Variants in IGSF22 observed in about 807,000 individuals in gnomAD.
The protein encoded by IGSF22 is immunoglobulin superfamily, member 22.
IGSF22 carries 119 observed loss-of-function variants against 127.0 expected under a neutral mutation model. The ratio of observed to expected loss-of-function variants is 0.94; its 90% CI spans 0.81 to 1.09. The LOEUF is 1.09. Ranked by LOEUF, IGSF22 falls within the 50% of genes least tolerant of loss-of-function variation. IGSF22 has a pLI of 0.00. For missense variants in IGSF22, 1,518 were observed against 1,716.6 expected (o/e 0.88, Z 2.04); for synonymous variants, 568 against 664.7 (o/e 0.85, Z 2.24).
chr11:18,705,910 G>T lies in IGSF22; in HGVS notation c.3817C>A (p.Pro1273Thr), dbSNP rs2134154917. Residue 1273 changes from proline (P) to threonine (T), a missense_variant, in exon 22 of 23, where the codon CCC becomes ACC. By Grantham distance (38) the Pro-to-Thr change is conservative (BLOSUM62 -1). Transcript: ENST00000513874. ...STSGVCTLVI[P>T]TCTLKDSGDY... ...CCGCTGTCCTTGAGCGTGCAGGTGG[G>T]GATGACGAGGGTGCACACGCCGCTG... 6.4e-7 allele frequency: 1 copy of T among 1,551,708 alleles called. No homozygotes were observed. The highest frequency in any genetic ancestry group is 1.7e-4 in the Middle Eastern group (1 of 5,990).
In IGSF22 at chr11:18,709,807, T is replaced by A; in HGVS notation, c.2702-124A>T. 1.1e-6 allele frequency: 1 copy of A among 939,138 alleles called. No homozygotes were observed. Among genetic ancestry groups the A allele is most frequent in the Non-Finnish European group, 1.6e-6 (1 of 630,962 alleles). 58.2% of individuals were successfully genotyped at this position (939,138 alleles called of 1,614,324 possible). On this transcript the variant is annotated intron_variant, in intron 17 of 22. Coordinates refer to ENST00000513874, the MANE Select transcript of IGSF22 (RefSeq NM_173588.4). The surrounding 1 kb of genome is among the most constrained non-coding windows in gnomAD (Gnocchi z 4.8). ...TACTTCTAGCTCCAGATCCCTCAGT[T>A]AACACCCTTAGTACCTAGCCTTATA...
intron 5 of IGSF22, 36 bp from the exon 6 acceptor site, chr11:18,720,139 G>T: frequency 1.2e-6 from 2 of 1,613,864 alleles, no homozygotes; most frequent in Non-Finnish European, 1.7e-6. Flanking sequence ...CAGACAGGGG[G>T]AGTCTGGTCC....
Position 18,723,607 on chromosome 11 carries a change from C to T in IGSF22, c.109+521G>A, listed in dbSNP as rs1848607115. On this transcript the variant is annotated intron_variant, in intron 2 of 22. Coordinates refer to ENST00000513874, the MANE Select transcript of IGSF22 (RefSeq NM_173588.4). ...TCTGTTCAGCTCTGAGACCATTTCT[C>T]AGCTTTCCCTTGGATCTGCCCTCTT... is the stretch of plus-strand genomic sequence containing the variant. 2.6e-5 allele frequency among the ~76,000 whole-genome samples: 4 copies of T among 152,370 alleles called. No homozygotes were observed. In the South Asian group the frequency reaches 8.3e-4, roughly 32 times the overall value.
intron 1 of IGSF22, among the ~76,000 whole-genome samples, chr11:18,725,621 T>C (rs187701802): frequency 1.3e-4 from 20 of 151,942 alleles, no homozygotes; most frequent in African/African-American, 4.8e-4. Flanking sequence ...TTTGTATTTT[T>C]AGTACAGATG....
intron 20 of IGSF22, 179 bp from the exon 21 acceptor site, chr11:18,707,392 G>C: frequency 3.4e-6 from 2 of 586,298 alleles, no homozygotes; most frequent in South Asian, 2.7e-5. Flanking sequence ...TCGTGACCTG[G>C]GGTAAGTTAC....
rs1486708734 is a variant in IGSF22, at chr11:18,718,671, C to A, written c.754G>T (p.Val252Phe). The change falls in exon 8 of 23, where the codon GTC becomes TTC. Residue 252 changes from valine to phenylalanine, a missense_variant. Val to Phe is a conservative substitution (Grantham distance 50, BLOSUM62 -1). Coordinates refer to ENST00000513874, the MANE Select transcript of IGSF22 (RefSeq NM_173588.4). ...TTCAGTTCCATTATGCAGTCAAAGA[C>A]CACTGTGGTGTCAACCTTGGTCTCT... ...DKETKVDTTV[V>F]FDCIMELKDP... The A allele has an allele frequency of 6.2e-7, 1 of 1,613,922 alleles. No homozygotes were observed.
intron 1 of IGSF22, among the ~76,000 whole-genome samples, chr11:18,725,601 C>T (rs762335872): frequency 2.0e-5 from 3 of 152,190 alleles, no homozygotes; most frequent in East Asian, 1.9e-4. Context: ...CCATCACACC[C>T]GGCTAATTTT....
intron 8 of IGSF22, 40 bp downstream of exon 8, chr11:18,718,575 G>T: frequency 9.2e-7 from 1 of 1,088,434 alleles, no homozygotes; most frequent in South Asian, 1.2e-5. Flanking sequence ...TAGAGAGGAA[G>T]AGATATTGCC....
rs1280255101 is a variant in IGSF22, at chr11:18,706,070, G to C, written c.3657C>G (p.Leu1219=). 6.4e-7 allele frequency: 1 copy of C among 1,550,620 alleles called. No homozygotes were observed. Among genetic ancestry groups the C allele is most frequent in the South Asian group, 1.2e-5 (1 of 84,062 alleles). Residue 1219 remains leucine (L), a synonymous_variant, in exon 22 of 23, where the codon CTC becomes CTG. Transcript: ENST00000513874. ...WRHAPRFVTP[L]KPHTVLRGQD... ...GGCCGCGGAGCACCGTGTGTGGCTT[G>C]AGGGGCGTCACGAAGCGCGGCGCGT... is the stretch of plus-strand genomic sequence containing the variant.
intron 3 of IGSF22, 24 bp downstream of exon 3, chr11:18,721,886 G>T (rs1213868061): frequency 3.1e-6 from 5 of 1,610,978 alleles, no homozygotes; most frequent in Non-Finnish European, 3.4e-6. Context: ...ACTGGAGCCC[G>T]GTGAGCCACA....
rs1215525312 is a variant in IGSF22 at position 18,718,652 on chromosome 11, T to G, written c.773A>C (p.Glu258Ala). 1.2e-6 allele frequency: 2 copies of G among 1,613,504 alleles called. No individual in the cohort carries two copies. Among genetic ancestry groups the G allele is most frequent in the Non-Finnish European group, 8.5e-7 (1 of 1,179,408 alleles). The change falls in exon 8 of 23, where the codon GAA (glutamate) becomes GCA (alanine). Residue 258 changes from glutamate (E) to alanine (A), a missense_variant. Around this residue, in one of 3 missense-constraint regions of IGSF22, gnomAD observed 1,456 missense variants for 1,644.9 expected, o/e 0.89. Coordinates refer to ENST00000513874, the MANE Select transcript of IGSF22 (RefSeq NM_173588.4). ...DTTVVFDCIM[E>A]LKDPNVKMIW... Reference sequence around the variant, plus strand: ...CATCTTGACATTGGGGTCTTTCAGTTCCATTATGCAGTCAAAGACCACTGT... The same window carrying G: ...CATCTTGACATTGGGGTCTTTCAGTGCCATTATGCAGTCAAAGACCACTGT...
At position 18,716,719 on chromosome 11, in the gene IGSF22, AC is replaced by A. The variant is rs749989193; in HGVS notation, c.1246+8del. The A allele has an allele frequency of 6.2e-7, 1 of 1,611,580 alleles. No individual in the cohort carries two copies. The highest frequency in any genetic ancestry group is 8.5e-7 in the Non-Finnish European group (1 of 1,177,770). On this transcript the variant is annotated splice_region_variant and intron_variant, in intron 10 of 22. Transcript: ENST00000513874. The surrounding 1 kb of genome is among the most constrained non-coding windows in gnomAD (Gnocchi z 4.5). ...AGCCCACCCCTTAGGCTCTTGCCCAACCACTCACGGTCAACAGTGAGCTGGG... is the reference window on the plus strand; with the variant it reads ...AGCCCACCCCTTAGGCTCTTGCCCAACACTCACGGTCAACAGTGAGCTGGG...
chr11:18,719,240 G>C (rs1036188998), intron 7 of IGSF22, among the ~76,000 whole-genome samples: 3 of 151,978 alleles, frequency 2.0e-5, no homozygotes, highest in African/African-American at 7.2e-5. Flanking sequence ...CACCTCCTGG[G>C]TTCAAGCAAT....
rs974042795 is a variant in IGSF22, at chr11:18,705,985, T to C, written c.3742A>G (p.Lys1248Glu). The C allele has an allele frequency of 9.7e-6, 15 of 1,551,566 alleles. No individual in the cohort carries two copies. The highest frequency in any genetic ancestry group is 1.3e-5 in the Non-Finnish European group (15 of 1,146,978). ...GNPRPTVTLY[K>E]GDVNITANSK... ...TTGGCCGTGATGTTGACGTCGCCCT[T>C]GTAGAGGGTCACTGTGGGCCGCGGG... Residue 1248 changes from lysine (K) to glutamate (E), a missense_variant, in exon 22 of 23, where the codon AAG becomes GAG. Transcript: ENST00000513874.
intron 4 of IGSF22, among the ~76,000 whole-genome samples, chr11:18,721,190 C>A (rs1302231788): frequency 6.6e-6 from 1 of 152,228 alleles, no homozygotes; most frequent in Non-Finnish European, 1.5e-5. Flanking sequence ...TCCCGCCCTC[C>A]ATGGCTACGC....
chr11:18,708,815 A>G (rs980222548), intron 18 of IGSF22, among the ~76,000 whole-genome samples: 2 of 152,208 alleles, frequency 1.3e-5, no homozygotes, highest in African/African-American at 4.8e-5. Flanking sequence ...GACATAAAAG[A>G]TTACCAGCCA....
chr11:18,705,438 A>G (rs1848205679), intron 22 of IGSF22: 1 of 198,840 alleles, frequency 5.0e-6, no homozygotes, highest in South Asian at 1.2e-4. Context: ...TTTTTATTGC[A>G]CATCAGAATC....
chr11:18,715,842 GT>G, intron 10 of IGSF22, 126 bp from the exon 11 acceptor site: 1 of 1,072,184 alleles, frequency 9.3e-7, no homozygotes, highest in Non-Finnish European at 1.3e-6. Context: ...TGCTGAATGT[GT>G]TTGTGTGTAA....
Position 18,709,578 on chromosome 11 carries a change from A to C in IGSF22, c.2807T>G (p.Ile936Ser), listed in dbSNP as rs1407005368. ...TGTGTCTTCAGCCCTCATCTCAAGG[A>C]TGTAGCCAGAGGGTGGGTCTCCCTC... ...PAEGDPPSGY[I>S]LEMRAEDTKE... The change falls in exon 18 of 23, where the codon ATC (isoleucine) becomes AGC (serine). Residue 936 changes from isoleucine (I) to serine (S), a missense_variant. Physicochemically the swap from Ile to Ser is moderately radical, Grantham distance 142 (BLOSUM62 -2). Around this residue, in one of 3 missense-constraint regions of IGSF22, gnomAD observed 1,456 missense variants for 1,644.9 expected, o/e 0.89. Transcript: ENST00000513874. This position sits in a 1 kb window ranked among gnomAD's most constrained non-coding sequence, Gnocchi z 4.8. 4 of 1,614,032 alleles carry C rather than the reference A, an allele frequency of 2.5e-6. No individual in the cohort carries two copies. The highest frequency in any genetic ancestry group is 3.3e-5 in the Admixed American group (2 of 60,004).
Sources: gnomAD v4.1 joint callset for allele counts (sites outside exome capture counted in the v4.1 genomes callset) on GRCh38, gnomAD v4.1.1 for gene constraint, gnomAD v4.1.1 regional missense constraint, Gnocchi (gnomAD v3.1) non-coding constraint, MANE v1.5 for transcripts, NCBI Gene and HGNC (gene_info 2026-07-23, HGNC 2026-07-21) for gene names.